The following SBF2 variants were observed in gnomAD, a reference collection of about 807,000 sequenced individuals.
The protein encoded by SBF2 is SET binding factor 2.
Under a neutral mutation model 225.2 loss-of-function variants are expected in SBF2, and 112 were observed. The ratio of observed to expected loss-of-function variants is 0.50; its 90% confidence interval spans 0.43 to 0.58. The LOEUF (loss-of-function observed/expected upper bound fraction) is 0.58, where lower values mean the gene tolerates loss of function less well. SBF2 is among the 20% of genes least tolerant of loss of function. The pLI is 0.00. For synonymous variants in SBF2, 763 were observed against 773.3 expected, an observed-to-expected ratio of 0.99 and a Z score of 0.22; for missense variants, 1,996 against 2,206.2, an observed-to-expected ratio of 0.90 and a Z score of 1.91.
At chr11:9,959,282 C>T in intron 16 of SBF2, 1 of 775,172 alleles carries the variant, frequency 1.3e-6, no homozygotes, top group Non-Finnish European at 2.4e-6. Flanking sequence ...TGAGCCTCCA[C>T]AATGTCCCTG....
intron 2 of SBF2, among the ~76,000 whole-genome samples, chr11:10,192,162 G>A (rs2135323921): frequency 6.6e-6 from 1 of 152,162 alleles, no homozygotes; most frequent in East Asian, 1.9e-4. Context: ...CACACTGTAA[G>A]GCCAATTACT....
intron 16 of SBF2, among the ~76,000 whole-genome samples, chr11:9,941,142 T>A (rs543207651): frequency 6.7e-6 from 1 of 149,468 alleles, no homozygotes; most frequent in Non-Finnish European, 1.5e-5. Flanking sequence ...AGACCCTGTC[T>A]CTACAAAAAA....
intron 16 of SBF2, among the ~76,000 whole-genome samples, chr11:9,898,123 ATAATCTTTGCC>A (rs1198015157): frequency 6.6e-6 from 1 of 151,018 alleles, no homozygotes; most frequent in African/African-American, 2.4e-5. Context: ...ATAGGCAAAG[ATAATCTTTGCC>A]TATTTCAAAC....
At chr11:9,994,458 G>C (rs555717547) in intron 9 of SBF2, among the ~76,000 whole-genome samples, 2,193 of 148,438 alleles carry the variant, frequency 0.015, 22 homozygotes, top group Non-Finnish European at 0.022. Context: ...CTGGGCGACA[G>C]AGCGAGACTC....
At chr11:10,084,280 G>A (rs1951472985) in intron 2 of SBF2, among the ~76,000 whole-genome samples, 1 of 152,054 alleles carries the variant, frequency 6.6e-6, no homozygotes, top group Non-Finnish European at 1.5e-5. Flanking sequence ...ACATGAACAG[G>A]CATTATTCAG....
chr11:10,203,409 T>C (rs888833215), intron 1 of SBF2, among the ~76,000 whole-genome samples: 30 of 152,268 alleles, frequency 2.0e-4, no homozygotes, highest in African/African-American at 7.2e-4. Context: ...TAACCCTAGA[T>C]AAAATGTTGC....
chr11:10,095,844 CA>C (rs1027345200), intron 2 of SBF2, among the ~76,000 whole-genome samples: 6 of 152,028 alleles, frequency 3.9e-5, no homozygotes, highest in Admixed American at 6.6e-5. Context: ...CACAGTTGAG[CA>C]AAATGTCCCA....
chr11:9,866,658 A>C (rs900728747), intron 17 of SBF2, among the ~76,000 whole-genome samples: 1 of 152,242 alleles, frequency 6.6e-6, no homozygotes, highest in Non-Finnish European at 1.5e-5. Flanking sequence ...GCTGCAGGAC[A>C]TTGGTCTGGG....
intron 16 of SBF2, among the ~76,000 whole-genome samples, chr11:9,952,564 C>T (rs899588391): frequency 6.6e-6 from 1 of 152,188 alleles, no homozygotes; most frequent in African/African-American, 2.4e-5. Context: ...CATCTATCAG[C>T]TTTCTAGCTT....
chr11:9,942,924 AAAGAAAGAAAGAAAG>A, intron 16 of SBF2, among the ~76,000 whole-genome samples: 1 of 149,890 alleles, frequency 6.7e-6, no homozygotes, highest in African/African-American at 2.4e-5. Context: ...AGAAAGAAAG[AAAGAAAGAAAGAAAG>A]AAGGAAGGAA....
intron 15 of SBF2, among the ~76,000 whole-genome samples, chr11:9,962,333 A>C (rs1866629833): frequency 1.3e-5 from 2 of 152,260 alleles, no homozygotes; most frequent in Non-Finnish European, 1.5e-5. Context: ...ATTATGTGAT[A>C]AATTGAAAAA....
chr11:9,956,820 G>A (rs2134343989), intron 16 of SBF2: 1 of 152,274 alleles, frequency 6.6e-6, no homozygotes, highest in South Asian at 2.1e-4. Context: ...TAACTGCTCA[G>A]TAGTCTTAAC....
chr11:9,815,555 A>G (rs1854414639), intron 29 of SBF2, among the ~76,000 whole-genome samples: 1 of 152,014 alleles, frequency 6.6e-6, no homozygotes, highest in South Asian at 2.1e-4. Flanking sequence ...CAGCATCCCA[A>G]CTCTTTCTTA....
chr11:9,839,212 T>A, intron 26 of SBF2: 1 of 416,720 alleles, frequency 2.4e-6, no homozygotes, highest in East Asian at 5.4e-5. Flanking sequence ...GTTCTTCAAG[T>A]TATCTTTAGT....
chr11:10,265,095 T>C (rs1961841037), intron 1 of SBF2, among the ~76,000 whole-genome samples: 1 of 152,156 alleles, frequency 6.6e-6, no homozygotes, highest in Non-Finnish European at 1.5e-5. Flanking sequence ...GGGTACATAC[T>C]CAGTAACAGG....
chr11:9,903,046 G>A (rs1861845892), intron 16 of SBF2, among the ~76,000 whole-genome samples: 1 of 152,128 alleles, frequency 6.6e-6, no homozygotes, highest in South Asian at 2.1e-4. Context: ...AATTGGCCGT[G>A]CGCGGTGACT....
Position 9,985,862 on chromosome 11 carries a change from T to C in SBF2, c.1395+3635A>G, listed in dbSNP as rs138270326. Among the ~76,000 whole-genome samples the C allele has an allele frequency of 3.7e-3, 562 of 152,234 alleles. 3 individuals carry two copies. The highest frequency in any genetic ancestry group is 0.013 in the African/African-American group (536 of 41,540). ...GGACGTCAATACTCCACTGGCAGCA[T>C]TAGACAGGTCATCAAGACAGAAAGT... is the stretch of plus-strand genomic sequence containing the variant. On this transcript the variant is annotated intron_variant, in intron 13 of 39. Coordinates refer to ENST00000256190, the MANE Select transcript of SBF2 (RefSeq NM_030962.4).
chr11:10,063,579 G>C (rs998083998), intron 2 of SBF2, among the ~76,000 whole-genome samples: 2 of 151,364 alleles, frequency 1.3e-5, no homozygotes, highest in African/African-American at 4.9e-5. Context: ...GGATGGTCTC[G>C]ATCTCCTGAC....
At chr11:10,151,450 T>C (rs1955186275) in intron 2 of SBF2, among the ~76,000 whole-genome samples, 1 of 152,264 alleles carries the variant, frequency 6.6e-6, no homozygotes, top group African/African-American at 2.4e-5. Context: ...ATGTTACTAC[T>C]GCATAGAGCT....
Sources: allele counts gnomAD v4.1 joint callset (sites outside exome capture counted in the v4.1 genomes callset), GRCh38; gene constraint gnomAD v4.1.1; transcripts MANE v1.5; gene names NCBI Gene and HGNC (gene_info 2026-07-23, HGNC 2026-07-21).